The following MYL12B variants were observed in gnomAD, a reference collection of about 807,000 sequenced individuals.
MYL12B encodes the protein myosin light chain 12B, also known as myosin regulatory light chain 12B.
A neutral mutation model predicts 12.9 loss-of-function variants in MYL12B; 3 were observed. The ratio of observed to expected loss-of-function variants is 0.23; its 90% CI spans 0.11 to 0.60. The LOEUF (loss-of-function observed/expected upper bound fraction) is 0.60, where lower values mean the gene tolerates loss of function less well. Ranked by LOEUF, MYL12B falls within the 20% of genes least tolerant of loss-of-function variation. The probability of loss-of-function intolerance (pLI) is 0.89; values close to 1 mark genes in which losing one functional copy is unlikely to be tolerated. For missense variants in MYL12B, 120 were observed against 215.4 expected, an observed-to-expected ratio of 0.56 and a Z score of 2.77; for synonymous variants, 57 against 71.9, an observed-to-expected ratio of 0.79 and a Z score of 1.05.
rs1402539455 is a variant in MYL12B at position 3,277,662 on chromosome 18, T to C, written c.347-103T>C. The C allele has an allele frequency of 1.1e-5, 16 of 1,391,796 alleles. No individual in the cohort carries two copies. The East Asian group carries it at 1.2e-4, about 11-fold the overall frequency. 86.2% of individuals were successfully genotyped at this position (1,391,796 alleles called of 1,614,324 possible). A position where few individuals can be genotyped will look rare whatever the true frequency, so the allele number is the denominator to read the frequency against. On this transcript the variant is annotated intron_variant, in intron 3 of 3. Coordinates refer to ENST00000237500, the MANE Select transcript of MYL12B (RefSeq NM_033546.4). ...CACTAACTTACTTTGTTTATAGATA[T>C]GGATATTCTGAAATATTTTATACGA...
chr18:3,273,720 G>A (rs1284854716), intron 2 of MYL12B, among the ~76,000 whole-genome samples: 2 of 152,162 alleles, frequency 1.3e-5, no homozygotes, highest in East Asian at 3.8e-4. Flanking sequence ...TGCAGGCAAA[G>A]GAGACCTTGA....
chr18:3,262,393 G>C (rs1245377873), intron 1 of MYL12B, 156 bp downstream of exon 1: 1 of 151,028 alleles, frequency 6.6e-6, no homozygotes, highest in Non-Finnish European at 1.5e-5. Context: ...GCGCGGGGCC[G>C]GAGGTGGAGG....
At chr18:3,270,355 T>C (rs569491144) in intron 1 of MYL12B, among the ~76,000 whole-genome samples, 19 of 152,360 alleles carry the variant, frequency 1.2e-4, no homozygotes, top group Admixed American at 2.6e-4. Context: ...TATTACTACA[T>C]TGAGCCTATA....
rs1598808993 is a variant in MYL12B at position 3,273,024 on chromosome 18, T to C, written c.126T>C (p.Asp42=). ...QEFKEAFNMI[D]QNRDGFIDKE... is the part of the protein sequence containing the mutation. ...TCAAAGAGGCCTTCAACATGATTGA[T>C]CAGAACAGAGATGGCTTCATCGACA... The change falls in exon 2 of 4, where the codon GAT becomes GAC. Residue 42 remains aspartate, a synonymous_variant. Coordinates refer to ENST00000237500, the MANE Select transcript of MYL12B (RefSeq NM_033546.4). 6.2e-7 allele frequency: 1 copy of C among 1,613,590 alleles called. No homozygotes were observed. The highest frequency in any genetic ancestry group is 1.1e-5 in the South Asian group (1 of 91,026).
rs557794212 is a variant in MYL12B, at chr18:3,274,555, G to A, written c.184+1473G>A. The stretch of plus-strand genomic sequence containing the variant: ...ACAAAAAAAGGGAAATGACGTACAG[G>A]AATTGGAAGTGAGGTATGGAATGGC... On this transcript the variant is annotated intron_variant, in intron 2 of 3. Coordinates refer to ENST00000237500, the MANE Select transcript of MYL12B (RefSeq NM_033546.4). 8.7e-4 allele frequency among the ~76,000 whole-genome samples: 133 copies of A among 152,322 alleles called. 3 individuals are homozygous for A. The South Asian group carries it at 0.027, about 31-fold the overall frequency.
intron 2 of MYL12B, 82 bp downstream of exon 2, chr18:3,273,164 A>G (rs1197456081): frequency 2.8e-6 from 4 of 1,407,954 alleles, no homozygotes; most frequent in East Asian, 4.7e-5. Flanking sequence ...GCGATGTACA[A>G]ATATTTCTCT....
At chr18:3,277,203 T>G (rs200289662) in intron 2 of MYL12B, 50 bp from the exon 3 acceptor site, 2 of 1,455,050 alleles carry the variant, frequency 1.4e-6, no homozygotes, top group Non-Finnish European at 1.8e-6. Context: ...GAAATAACTA[T>G]TGAAATTAAA....
intron 1 of MYL12B, among the ~76,000 whole-genome samples, chr18:3,263,408 G>A (rs1319884088): frequency 6.6e-6 from 1 of 152,232 alleles, no homozygotes; most frequent in Non-Finnish European, 1.5e-5. Context: ...ACCCAGAGAG[G>A]TGAGGTAATT....
At chr18:3,276,011 T>C (rs539219945) in intron 2 of MYL12B, among the ~76,000 whole-genome samples, 1 of 152,206 alleles carries the variant, frequency 6.6e-6, no homozygotes, top group East Asian at 2.0e-4. Context: ...ACTATAATGG[T>C]AGCTTTGATT....
In MYL12B at chr18:3,278,055, C is replaced by A. The variant is rs546718839; in HGVS notation, c.*118C>A. The A allele has an allele frequency of 2.2e-3, 2,835 of 1,280,116 alleles. 70 individuals are homozygous for A. The South Asian group carries it at 0.031, about 14-fold the overall frequency. 79.3% of individuals were successfully genotyped at this position (1,280,116 alleles called of 1,614,324 possible). On this transcript the variant is annotated 3_prime_UTR_variant, in exon 4 of 4. Transcript: ENST00000237500. Reference sequence around the variant, plus strand: ...ACTTAGTTTCACAGCTTTGCCTCTTCTTTTTGATGTATTTATTCCAGACCT... The same window carrying A: ...ACTTAGTTTCACAGCTTTGCCTCTTATTTTTGATGTATTTATTCCAGACCT...
chr18:3,262,755 A>G (rs1055844730), intron 1 of MYL12B: 3 of 152,414 alleles, frequency 2.0e-5, no homozygotes, highest in African/African-American at 7.2e-5. Context: ...GTCTTGCCTA[A>G]GGTGAAGCCT....
intron 3 of MYL12B, 29 bp downstream of exon 3, chr18:3,277,443 C>G (rs1426910626): frequency 6.2e-7 from 1 of 1,610,928 alleles, no homozygotes; most frequent in Non-Finnish European, 8.5e-7. Context: ...TGCCCAGCCT[C>G]ATTCCACACT....
chr18:3,273,302 T>A (rs1396796623), intron 2 of MYL12B, among the ~76,000 whole-genome samples: 6 of 152,180 alleles, frequency 3.9e-5, no homozygotes, highest in Non-Finnish European at 5.9e-5. Flanking sequence ...GGTAGGCTAA[T>A]GTTCCTGTTA....
chr18:3,264,032 A>G (rs907357724), intron 1 of MYL12B, among the ~76,000 whole-genome samples: 1 of 152,186 alleles, frequency 6.6e-6, no homozygotes, highest in African/African-American at 2.4e-5. Context: ...AAATGCTTAA[A>G]TCAGTGCCTG....
At chr18:3,268,663 A>G (rs2081653340) in intron 1 of MYL12B, among the ~76,000 whole-genome samples, 1 of 152,194 alleles carries the variant, frequency 6.6e-6, no homozygotes, top group Non-Finnish European at 1.5e-5. Flanking sequence ...GTGCTCAGAA[A>G]TCAGTGTTGA....
At chr18:3,268,157 A>G (rs1234034782) in intron 1 of MYL12B, among the ~76,000 whole-genome samples, 1 of 152,220 alleles carries the variant, frequency 6.6e-6, no homozygotes, top group Non-Finnish European at 1.5e-5. Flanking sequence ...CCCCTCAGAT[A>G]AGGAGGGACT....
chr18:3,264,515 G>C (rs775783834), intron 1 of MYL12B, among the ~76,000 whole-genome samples: 77 of 152,104 alleles, frequency 5.1e-4, no homozygotes, highest in Non-Finnish European at 8.1e-4. Context: ...ACCAACCTGG[G>C]CAACATAGCG....
chr18:3,271,112 G>C (rs2081675391), intron 1 of MYL12B, among the ~76,000 whole-genome samples: 1 of 152,184 alleles, frequency 6.6e-6, no homozygotes. Flanking sequence ...AAGAAATTGA[G>C]TCAAAATTTT....
chr18:3,266,492 A>G (rs9964317), intron 1 of MYL12B, among the ~76,000 whole-genome samples: 144,993 of 152,144 alleles, frequency 0.95, 69,166 homozygotes, highest in Non-Finnish European at 0.98. Flanking sequence ...AAGGGCATGA[A>G]AATTGTTGAG....
Sources: allele counts gnomAD v4.1 joint callset (sites outside exome capture counted in the v4.1 genomes callset), GRCh38; gene constraint gnomAD v4.1.1; transcripts MANE v1.5; gene names NCBI Gene and HGNC (gene_info 2026-07-23, HGNC 2026-07-21).